The following FRMD6 variants were observed in gnomAD, a reference collection of about 807,000 sequenced individuals.
FRMD6 encodes FERM domain-containing protein 6.
In FRMD6, 37 loss-of-function variants were observed where a neutral mutation model predicts 73.2. That is an observed-to-expected ratio of 0.51 (90% CI 0.39 to 0.66). The LOEUF is 0.66. FRMD6 is among the 30% of genes least tolerant of loss of function. FRMD6 has a pLI of 0.00. For missense variants in FRMD6, 714 were observed against 780.5 expected (o/e 0.91, Z 1.02); for synonymous variants, 273 against 282.2 (o/e 0.97, Z 0.33).
chr14:51,433,467 G>T, the FRMD6 span, among the ~76,000 whole-genome samples: 1 of 152,178 alleles, frequency 6.6e-6, no homozygotes, highest in Non-Finnish European at 1.5e-5. Context: ...TACTATGCTT[G>T]ATGTGAGAAA....
chr14:51,422,772 G>C, the FRMD6 span, among the ~76,000 whole-genome samples: 2 of 152,320 alleles, frequency 1.3e-5, no homozygotes, highest in East Asian at 1.9e-4. Flanking sequence ...TGGTGCACAG[G>C]TGGGTCAACA....
rs372639622 is a variant in FRMD6, at chr14:51,682,238, C to T, written c.-146-7453C>T. Among the ~76,000 whole-genome samples, 7 of 152,116 alleles carry T rather than the reference C, an allele frequency of 4.6e-5. No homozygotes were observed. In the East Asian group the frequency reaches 9.6e-4, roughly 21 times the overall value. ...ATAATTTACTATTATTTTAACCCAA[C>T]CACCTAAATTTTTCAGCTACTCAGA... is the stretch of plus-strand genomic sequence containing the variant. On this transcript the variant is annotated intron_variant, in intron 1 of 13. Coordinates refer to ENST00000344768, the MANE Select transcript of FRMD6 (RefSeq NM_001267046.2).
intron 5 of FRMD6, among the ~76,000 whole-genome samples, chr14:51,703,480 T>A (rs531979692): frequency 4.9e-4 from 74 of 152,128 alleles, no homozygotes; most frequent in African/African-American, 1.5e-3. Flanking sequence ...GGATTTTTTT[T>A]AAAAAAGGCT....
chr14:51,543,215 A>G (rs966322960), intron 1 of FRMD6, among the ~76,000 whole-genome samples: 1 of 151,964 alleles, frequency 6.6e-6, no homozygotes, highest in Non-Finnish European at 1.5e-5. Flanking sequence ...CCAAGATCCT[A>G]TCTGTTGAGG....
intron 1 of FRMD6, among the ~76,000 whole-genome samples, chr14:51,518,569 C>G (rs907307978): frequency 2.0e-5 from 3 of 152,156 alleles, no homozygotes; most frequent in Non-Finnish European, 4.4e-5. Context: ...ATAAACTGTA[C>G]TAAATACTAT....
chr14:51,446,471 C>CACACACACACACACACAT, the FRMD6 span, among the ~76,000 whole-genome samples: 1 of 151,780 alleles, frequency 6.6e-6, no homozygotes, highest in African/African-American at 2.4e-5. Flanking sequence ...CACACACACA[C>CACACACACACACACACAT]GGAAGTTGAG....
At chr14:51,428,368 T>G in the FRMD6 span, among the ~76,000 whole-genome samples, 2 of 152,312 alleles carry the variant, frequency 1.3e-5, no homozygotes, top group African/African-American at 4.8e-5. Context: ...ACTTCTGTGA[T>G]TCCCGTTGTG....
At chr14:51,633,029 C>T (rs1022621903) in intron 2 of FRMD6, among the ~76,000 whole-genome samples, 4 of 151,866 alleles carry the variant, frequency 2.6e-5, no homozygotes, top group East Asian at 3.9e-4. Flanking sequence ...TCATGCATTT[C>T]GTGTAAAATA....
intron 2 of FRMD6, among the ~76,000 whole-genome samples, chr14:51,611,172 G>A (rs1890480717): frequency 6.6e-6 from 1 of 152,172 alleles, no homozygotes; most frequent in Non-Finnish European, 1.5e-5. Context: ...AAATGGAGAA[G>A]GAGGCTAGGG....
At chr14:51,580,376 C>G (rs1255446817) in intron 2 of FRMD6, among the ~76,000 whole-genome samples, 1 of 152,194 alleles carries the variant, frequency 6.6e-6, no homozygotes, top group Non-Finnish European at 1.5e-5. Context: ...CACCTATGAG[C>G]ACTCCCTATG....
At chr14:51,636,450 C>A (rs1891568501) in intron 2 of FRMD6, among the ~76,000 whole-genome samples, 1 of 152,162 alleles carries the variant, frequency 6.6e-6, no homozygotes, top group Admixed American at 6.5e-5. Context: ...AGTTCTATTC[C>A]TTTCTGCCAA....
intron 2 of FRMD6, among the ~76,000 whole-genome samples, chr14:51,629,552 C>A (rs950208150): frequency 8.5e-5 from 13 of 152,206 alleles, no homozygotes; most frequent in Admixed American, 6.5e-5. Flanking sequence ...TAATTATACT[C>A]ATTAAATGGG....
chr14:51,536,492 A>G (rs930141210), intron 1 of FRMD6, among the ~76,000 whole-genome samples: 1 of 151,810 alleles, frequency 6.6e-6, no homozygotes, highest in African/African-American at 2.4e-5. Context: ...ATCTTGGCTC[A>G]CTGCAACCTC....
chr14:51,601,046 G>T (rs543035684), intron 2 of FRMD6, among the ~76,000 whole-genome samples: 4 of 152,322 alleles, frequency 2.6e-5, no homozygotes, highest in African/African-American at 9.6e-5. Context: ...TTCACCACTT[G>T]CTTTAAGAAG....
At chr14:51,405,975 T>C in the FRMD6 span, among the ~76,000 whole-genome samples, 1 of 152,218 alleles carries the variant, frequency 6.6e-6, no homozygotes, top group African/African-American at 2.4e-5. Context: ...GGGTTTTACA[T>C]ATAAGTCTTT....
chr14:51,524,619 A>G (rs956258401), intron 1 of FRMD6, among the ~76,000 whole-genome samples: 2 of 152,228 alleles, frequency 1.3e-5, no homozygotes, highest in Admixed American at 1.3e-4. Flanking sequence ...AACGATTTGC[A>G]AATTGGGCAG....
chr14:51,551,220 A>C (rs1886810238), intron 1 of FRMD6, among the ~76,000 whole-genome samples: 2 of 152,318 alleles, frequency 1.3e-5, no homozygotes, highest in South Asian at 2.1e-4. Context: ...GGAATCCAGA[A>C]GGTTTATTCT....
chr14:51,468,321 G>A, the FRMD6 span, among the ~76,000 whole-genome samples: 1 of 126,394 alleles, frequency 7.9e-6, no homozygotes, highest in African/African-American at 3.0e-5. Context: ...GGGGGAGGGA[G>A]AGGGGGAGGG....
the FRMD6 span, among the ~76,000 whole-genome samples, chr14:51,460,092 T>C: frequency 6.6e-6 from 1 of 152,124 alleles, no homozygotes; most frequent in Non-Finnish European, 1.5e-5. Context: ...TCATGTATAA[T>C]GTGTTTATTC....
Sources: allele counts gnomAD v4.1 joint callset (sites outside exome capture counted in the v4.1 genomes callset), GRCh38; gene constraint gnomAD v4.1.1; transcripts MANE v1.5; gene names NCBI Gene and HGNC (gene_info 2026-07-23, HGNC 2026-07-21).